Variants in DNMT3A observed in about 807,000 individuals in gnomAD.
DNMT3A encodes DNA (cytosine-5)-methyltransferase 3A.
A neutral mutation model predicts 117.6 loss-of-function variants in DNMT3A; 267 were observed. That is an observed-to-expected ratio of 2.27 (90% CI 2.05 to 2.51). The LOEUF (loss-of-function observed/expected upper bound fraction) is 2.51, where lower values mean the gene tolerates loss of function less well. Among genes scored for constraint, DNMT3A ranks in the 30% most tolerant of loss-of-function variants. The probability of loss-of-function intolerance (pLI) is 0.00; values close to 1 mark genes in which losing one functional copy is unlikely to be tolerated. For synonymous variants in DNMT3A, 432 were observed against 474.8 expected, an observed-to-expected ratio of 0.91 and a Z score of 1.17; for missense variants, 1,029 against 1,260.2, an observed-to-expected ratio of 0.82 and a Z score of 2.78.
intron 6 of DNMT3A, among the ~76,000 whole-genome samples, chr2:25,261,677 T>G (rs978028364): frequency 6.6e-6 from 1 of 151,754 alleles, no homozygotes; most frequent in African/African-American, 2.4e-5. Context: ...AAGGGCTGCA[T>G]AGATAGGTGA....
chr2:25,234,280 T>C lies in DNMT3A; in HGVS notation c.2738A>G (p.Ter913=), dbSNP rs750890038. Residue 913 remains the stop codon, a stop_retained_variant, in exon 23 of 23, where the codon TAA becomes TGA. Coordinates refer to ENST00000321117, the MANE Select transcript of DNMT3A (RefSeq NM_022552.5). The surrounding 1 kb of genome is among the most constrained non-coding windows in gnomAD (Gnocchi z 4.5). ...APLKEYFACV[*] ...TACCTCAGTTTGCCCCCATGTCCCT[T>C]ACACACACGCAAAATACTCCTTCAG... 1.9e-6 allele frequency: 3 copies of C among 1,612,922 alleles called. No individual in the cohort carries two copies. The highest frequency in any genetic ancestry group is 1.7e-5 in the Admixed American group (1 of 59,938).
intron 3 of DNMT3A, among the ~76,000 whole-genome samples, chr2:25,284,645 T>TG (rs1287436463): frequency 7.2e-4 from 12 of 16,646 alleles, no homozygotes; most frequent in Middle Eastern, 0.042. Flanking sequence ...AGACTCCATC[T>TG]AAAAAAAAAA....
At chr2:25,256,126 G>A (rs1676102211) in intron 6 of DNMT3A, among the ~76,000 whole-genome samples, 2 of 152,106 alleles carry the variant, frequency 1.3e-5, no homozygotes, top group African/African-American at 2.4e-5. Context: ...CACCCCACAC[G>A]TATTCCCACC....
chr2:25,248,034 C>T lies in DNMT3A; in HGVS notation c.855+3G>A. The stretch of plus-strand genomic sequence containing the variant: ...GGCCACGGCTGGTGAAGAAGCCGCT[C>T]ACCTCGTACTCTGGCTCGTCATCGC... On this transcript the variant is annotated splice_donor_region_variant and intron_variant, in intron 7 of 22. Coordinates refer to ENST00000321117, the MANE Select transcript of DNMT3A (RefSeq NM_022552.5). 6.2e-7 allele frequency: 1 copy of T among 1,611,630 alleles called. No individual in the cohort carries two copies.
At chr2:25,314,725 C>A in intron 1 of DNMT3A, 3 of 985,332 alleles carry the variant, frequency 3.0e-6, no homozygotes, top group Non-Finnish European at 3.6e-6. Flanking sequence ...TTGGCTCTGG[C>A]CTAGGAGGGA....
chr2:25,331,218 C>T (rs1024505802), intron 1 of DNMT3A, among the ~76,000 whole-genome samples: 8 of 152,192 alleles, frequency 5.3e-5, no homozygotes, highest in African/African-American at 1.9e-4. Flanking sequence ...TCTGTCCAGT[C>T]CCCAGCCTGG....
chr2:25,318,207 T>A (rs2034456976), intron 1 of DNMT3A, among the ~76,000 whole-genome samples: 2 of 152,342 alleles, frequency 1.3e-5, no homozygotes, highest in Non-Finnish European at 2.9e-5. Context: ...TCAAAATGAC[T>A]TATTCAGGTC....
intron 6 of DNMT3A, among the ~76,000 whole-genome samples, chr2:25,264,132 G>GTTT (rs1175186554): frequency 0.016 from 1,199 of 73,720 alleles, 77 homozygotes; most frequent in Middle Eastern, 0.043. Context: ...CAACCCTTTG[G>GTTT]TTTTTTTTTT....
chr2:25,264,928 G>T (rs2030156171), intron 6 of DNMT3A, among the ~76,000 whole-genome samples: 1 of 152,162 alleles, frequency 6.6e-6, no homozygotes, highest in Non-Finnish European at 1.5e-5. Flanking sequence ...AACCTGCCGT[G>T]ATGGAATTTT....
At chr2:25,275,194 G>A (rs747404401) in intron 5 of DNMT3A, 107 bp from the exon 6 acceptor site, 174 of 1,413,050 alleles carry the variant, frequency 1.2e-4, no homozygotes, top group Non-Finnish European at 1.6e-4. Context: ...GGCCAGAGAG[G>A]GCACCCCTGG....
chr2:25,325,869 T>C (rs2034766810), intron 1 of DNMT3A, among the ~76,000 whole-genome samples: 1 of 152,198 alleles, frequency 6.6e-6, no homozygotes, highest in Admixed American at 6.5e-5. Flanking sequence ...TGGAAAGTTA[T>C]GGTAACAACA....
chr2:25,262,823 A>G (rs746229768), intron 6 of DNMT3A, among the ~76,000 whole-genome samples: 1 of 152,134 alleles, frequency 6.6e-6, no homozygotes, highest in Non-Finnish European at 1.5e-5. Context: ...CTTCTTGCCC[A>G]TCCTCCCTAA....
rs1672951261 is a variant in DNMT3A at position 25,232,998 on chromosome 2, T to C, written c.*1281A>G. 4.3e-6 allele frequency: 1 copy of C among 233,038 alleles called. No individual in the cohort carries two copies. The highest frequency in any genetic ancestry group is 2.2e-5 in the African/African-American group (1 of 45,268). The allele number at this position is 233,038 out of a possible 1,614,324, so 14.4% of individuals were successfully genotyped here. A position where few individuals can be genotyped will look rare whatever the true frequency, so the allele number is the denominator to read the frequency against. ...CAGTACGTTTTGTATGTTTTTTTATTTGCTCCAGGTGGGGTTTTGACTGTC... is the reference window on the plus strand; with the variant it reads ...CAGTACGTTTTGTATGTTTTTTTATCTGCTCCAGGTGGGGTTTTGACTGTC... On this transcript the variant is annotated 3_prime_UTR_variant, in exon 23 of 23. Transcript: ENST00000321117. The surrounding 1 kb of genome is among the most constrained non-coding windows in gnomAD (Gnocchi z 4.1).
chr2:25,229,131 A>G lies in DNMT3A; in HGVS notation c.*5148T>C, dbSNP rs1273072031. On this transcript the variant is annotated 3_prime_UTR_variant, in exon 23 of 23. Transcript: ENST00000321117. The stretch of plus-strand genomic sequence containing the variant: ...GGCCCACCTTAGCTGGGTCTCGGAA[A>G]CACAGAGGCAAGGTTCCCCAACTCG... 2.0e-5 allele frequency: 3 copies of G among 152,356 alleles called. No individual in the cohort carries two copies. Among genetic ancestry groups the G allele is most frequent in the African/African-American group, 4.8e-5 (2 of 41,554 alleles). 9.4% of individuals were successfully genotyped at this position (152,356 alleles called of 1,614,324 possible).
At chr2:25,246,377 C>T in intron 10 of DNMT3A, 68 bp from the exon 11 acceptor site, 1 of 1,529,622 alleles carries the variant, frequency 6.5e-7, no homozygotes, top group African/African-American at 1.4e-5. Flanking sequence ...CTTCCCCCAC[C>T]CTCCTTACAG....
At chr2:25,316,965 G>A (rs554822215) in intron 1 of DNMT3A, among the ~76,000 whole-genome samples, 2 of 152,310 alleles carry the variant, frequency 1.3e-5, no homozygotes, top group African/African-American at 2.4e-5. Flanking sequence ...TCTCCACTGC[G>A]TCAACTATAA....
chr2:25,292,794 G>A (rs993704771), intron 3 of DNMT3A, among the ~76,000 whole-genome samples: 1 of 152,062 alleles, frequency 6.6e-6, no homozygotes, highest in Non-Finnish European at 1.5e-5. Flanking sequence ...TCTCTAGGTG[G>A]GGATGATGAA....
At chr2:25,239,796 C>T (rs1037446961) in intron 19 of DNMT3A, among the ~76,000 whole-genome samples, 4 of 152,224 alleles carry the variant, frequency 2.6e-5, no homozygotes, top group Admixed American at 6.5e-5. Flanking sequence ...ACTCCAAGCA[C>T]GCCTCTGGCA....
rs58128643 is a variant in DNMT3A at position 25,228,200 on chromosome 2, TAAAAAAAAAAAAAAAAAAAAAAAA to T, written c.*6055_*6078del. 3.6e-3 allele frequency: 9 copies of T among 2,500 alleles called. No homozygotes were observed. Among genetic ancestry groups the T allele is most frequent in the Non-Finnish European group, 5.0e-3 (7 of 1,404 alleles). The allele number at this position is 2,500 out of a possible 1,614,324, so 0.2% of individuals were successfully genotyped here. A position where few individuals can be genotyped will look rare whatever the true frequency, so the allele number is the denominator to read the frequency against. On this transcript the variant is annotated 3_prime_UTR_variant, in exon 23 of 23. Transcript: ENST00000321117. ...TTGTCAATAAATAGAGAAGCAACCCTAAAAAAAAAAAAAAAAAAAAAAAAAAAAAAAAAAAAAAAAAAAAAAAAA... is the reference window on the plus strand; with the variant it reads ...TTGTCAATAAATAGAGAAGCAACCCTAAAAAAAAAAAAAAAAAAAAAAAAA...
Sources: allele counts gnomAD v4.1 joint callset (sites outside exome capture counted in the v4.1 genomes callset), GRCh38; gene constraint gnomAD v4.1.1; non-coding constraint Gnocchi (gnomAD v3.1); transcripts MANE v1.5; gene names NCBI Gene and HGNC (gene_info 2026-07-23, HGNC 2026-07-21).